IFT56: variants seen among roughly 807,000 people sequenced by gnomAD.
The protein encoded by IFT56 is intraflagellar transport protein 56.
chr7:139,136,360 A>G, the IFT56 span, among the ~76,000 whole-genome samples: 3 of 152,156 alleles, frequency 2.0e-5, no homozygotes, highest in Admixed American at 6.5e-5. Context: ...ACTGAGTGCT[A>G]TGTATATATC....
chr7:139,162,509 A>T, the IFT56 span, among the ~76,000 whole-genome samples: 3 of 152,072 alleles, frequency 2.0e-5, no homozygotes, highest in Non-Finnish European at 4.4e-5. Flanking sequence ...AAACCTGAAA[A>T]ATATCAGGGC....
At chr7:139,175,452 C>T in the IFT56 span, among the ~76,000 whole-genome samples, 3 of 151,828 alleles carry the variant, frequency 2.0e-5, no homozygotes, top group Non-Finnish European at 2.9e-5. Context: ...TTCAAAATAG[C>T]GAAGAATTGG....
chr7:139,191,468 A>T, the IFT56 span: 1 of 152,180 alleles, frequency 6.6e-6, no homozygotes, highest in Non-Finnish European at 1.5e-5. Context: ...GTGAATTGCT[A>T]TTATTTTCAA....
At chr7:139,135,977 G>A in the IFT56 span, among the ~76,000 whole-genome samples, 3 of 151,316 alleles carry the variant, frequency 2.0e-5, no homozygotes, top group African/African-American at 7.3e-5. Flanking sequence ...AGGCTAGAGT[G>A]CAATGGCGCA....
chr7:139,150,548 A>G, the IFT56 span, among the ~76,000 whole-genome samples: 1 of 152,166 alleles, frequency 6.6e-6, no homozygotes, highest in Non-Finnish European at 1.5e-5. Context: ...AATGTAGTTT[A>G]TATATTGATT....
chr7:139,172,273 C>A, the IFT56 span, among the ~76,000 whole-genome samples: 5 of 152,194 alleles, frequency 3.3e-5, no homozygotes, highest in Non-Finnish European at 5.9e-5. Flanking sequence ...TTTTTTCCTG[C>A]CATCACAGAT....
chr7:139,172,171 A>G, the IFT56 span, among the ~76,000 whole-genome samples: 1 of 152,194 alleles, frequency 6.6e-6, no homozygotes, highest in Non-Finnish European at 1.5e-5. Context: ...AAATAAAAAA[A>G]CAATGTGGTT....
the IFT56 span, among the ~76,000 whole-genome samples, chr7:139,159,771 A>G: frequency 2.0e-5 from 3 of 152,236 alleles, no homozygotes; most frequent in South Asian, 6.2e-4. Context: ...ATGTATGTCA[A>G]TGTGTAGTGG....
chr7:139,155,224 A>AT, the IFT56 span, among the ~76,000 whole-genome samples: 1 of 151,668 alleles, frequency 6.6e-6, no homozygotes, highest in Non-Finnish European at 1.5e-5. Context: ...TTTGGGGAGG[A>AT]TTTTCTATAT....
chr7:139,165,668 A>G, the IFT56 span, among the ~76,000 whole-genome samples: 1 of 152,088 alleles, frequency 6.6e-6, no homozygotes, highest in Non-Finnish European at 1.5e-5. Context: ...CAGGCTGCTT[A>G]TGAGAAATAC....
At chr7:139,188,214 C>T in the IFT56 span, among the ~76,000 whole-genome samples, 1 of 151,536 alleles carries the variant, frequency 6.6e-6, no homozygotes, top group Non-Finnish European at 1.5e-5. Context: ...GATTCTCCTG[C>T]CTCACTCTCC....
the IFT56 span, among the ~76,000 whole-genome samples, chr7:139,167,154 T>C: frequency 1.3e-5 from 2 of 152,202 alleles, no homozygotes; most frequent in African/African-American, 4.8e-5. Flanking sequence ...GGAAAATTCC[T>C]TTAGTATTTG....
At chr7:139,162,376 A>G in the IFT56 span, among the ~76,000 whole-genome samples, 47 of 152,332 alleles carry the variant, frequency 3.1e-4, 2 homozygotes, top group South Asian at 6.0e-3. Context: ...ACTGAAAGGA[A>G]CATATGAAAT....
At chr7:139,168,019 A>G in the IFT56 span, among the ~76,000 whole-genome samples, 2 of 152,110 alleles carry the variant, frequency 1.3e-5, no homozygotes, top group African/African-American at 4.8e-5. Flanking sequence ...AGAAGGTAAT[A>G]AAAATTATTA....
chr7:139,144,125 G>T, the IFT56 span, among the ~76,000 whole-genome samples: 1 of 151,884 alleles, frequency 6.6e-6, no homozygotes, highest in Admixed American at 6.6e-5. Flanking sequence ...GCATGTTTGT[G>T]CTCCTATCTG....
chr7:139,180,129 A>C, the IFT56 span, among the ~76,000 whole-genome samples: 1 of 150,344 alleles, frequency 6.7e-6, no homozygotes, highest in African/African-American at 2.5e-5. Context: ...CGAGGTCAGG[A>C]GATCGAGACC....
chr7:139,174,508 A>G, the IFT56 span, among the ~76,000 whole-genome samples: 1 of 152,196 alleles, frequency 6.6e-6, no homozygotes, highest in Non-Finnish European at 1.5e-5. Flanking sequence ...CAAAGCAAAA[A>G]TGGACAGATG....
At chr7:139,139,341 G>T in the IFT56 span, among the ~76,000 whole-genome samples, 1 of 152,148 alleles carries the variant, frequency 6.6e-6, no homozygotes, top group Non-Finnish European at 1.5e-5. Context: ...GTAAGAAAAT[G>T]AAATAAAGAC....
chr7:139,135,685 G>A, the IFT56 span, among the ~76,000 whole-genome samples: 5 of 152,152 alleles, frequency 3.3e-5, no homozygotes, highest in Non-Finnish European at 7.3e-5. Context: ...TGATGGAGAT[G>A]GTCCCAGGAG....
Sources: allele counts gnomAD v4.1 joint callset (sites outside exome capture counted in the v4.1 genomes callset), GRCh38; gene constraint gnomAD v4.1.1; transcripts MANE v1.5; gene names NCBI Gene and HGNC (gene_info 2026-07-23, HGNC 2026-07-21).